Variants in WIPF3 observed in about 807,000 individuals in gnomAD.
The protein encoded by WIPF3 is WAS/WASL interacting protein family member 3, also known as WAS/WASL-interacting protein family member 3.
WIPF3 carries 33 observed loss-of-function variants against 38.9 expected under a neutral mutation model. That is an observed-to-expected ratio of 0.85 (90% confidence interval 0.64 to 1.14). The LOEUF (loss-of-function observed/expected upper bound fraction) is 1.14, where lower values mean the gene tolerates loss of function less well. Ranked by LOEUF, WIPF3 falls within the 50% of genes most tolerant of loss-of-function variation. The pLI is 0.00. For missense variants in WIPF3, 711 were observed against 652.5 expected, an observed-to-expected ratio of 1.09 and a Z score of -0.98; for synonymous variants, 324 against 269.3, an observed-to-expected ratio of 1.20 and a Z score of -1.99.
chr7:29,864,160 T>G (rs1785347800), intron 2 of WIPF3, among the ~76,000 whole-genome samples: 1 of 152,198 alleles, frequency 6.6e-6, no homozygotes, highest in African/African-American at 2.4e-5. Flanking sequence ...AGCTATAGTT[T>G]TGTTTATTTT....
chr7:29,809,367 G>T (rs1176477512), intron 1 of WIPF3, among the ~76,000 whole-genome samples: 1 of 152,192 alleles, frequency 6.6e-6, no homozygotes, highest in Admixed American at 6.5e-5. Context: ...ATCGAGCATG[G>T]TTCTGCATCA....
At chr7:29,905,677 G>A (rs1786381433) in intron 8 of WIPF3, 1 of 152,006 alleles carries the variant, frequency 6.6e-6, no homozygotes, top group Non-Finnish European at 1.5e-5. Flanking sequence ...TTCTCTGATT[G>A]GTTATTGCTG....
chr7:29,887,112 C>T (rs1785899344), intron 5 of WIPF3, among the ~76,000 whole-genome samples: 1 of 152,146 alleles, frequency 6.6e-6, no homozygotes, highest in Non-Finnish European at 1.5e-5. Context: ...AGCTGGGGCC[C>T]CTTCATCTGC....
Position 29,884,210 on chromosome 7 carries a change from CGG to C in WIPF3, c.717_718del (p.Ala240LeufsTer4). 1 of 1,529,130 alleles carries C rather than the reference CGG, an allele frequency of 6.5e-7. No homozygotes were observed. The highest frequency in any genetic ancestry group is 8.8e-7 in the Non-Finnish European group (1 of 1,135,944). 94.7% of individuals were successfully genotyped at this position (1,529,130 alleles called of 1,614,324 possible). A position where few individuals can be genotyped will look rare whatever the true frequency, so the allele number is the denominator to read the frequency against. On this transcript the variant is annotated frameshift_variant, in exon 5 of 9. Transcript: ENST00000242140. LOFTEE classifies it high-confidence loss of function. The stretch of plus-strand genomic sequence containing the variant: ...CCCCCAACGCCACCCCCGCTGCCCC[CGG>C]CCTCGGTTCTTAGTGACAAGGCAGT...
At chr7:29,891,944 A>C (rs1383748105) in intron 7 of WIPF3, among the ~76,000 whole-genome samples, 1 of 152,174 alleles carries the variant, frequency 6.6e-6, no homozygotes, top group African/African-American at 2.4e-5. Context: ...TGTAGGAACC[A>C]TCTGTCCCAC....
intron 7 of WIPF3, among the ~76,000 whole-genome samples, chr7:29,896,721 T>C (rs1786153556): frequency 6.6e-6 from 1 of 152,230 alleles, no homozygotes; most frequent in Admixed American, 6.5e-5. Flanking sequence ...ATGTCACTAA[T>C]GGTAAATTGT....
At chr7:29,868,535 T>TATATAC (rs879629038) in intron 2 of WIPF3, among the ~76,000 whole-genome samples, 80 of 151,030 alleles carry the variant, frequency 5.3e-4, no homozygotes, top group Non-Finnish European at 8.6e-4. Flanking sequence ...TATATATATA[T>TATATAC]ACACACACAT....
chr7:29,853,418 C>T (rs931731209), intron 2 of WIPF3, among the ~76,000 whole-genome samples: 2 of 152,220 alleles, frequency 1.3e-5, no homozygotes, highest in East Asian at 3.9e-4. Flanking sequence ...GGGGAAGAAA[C>T]AGGCACAGTG....
chr7:29,857,121 C>G (rs1260016749), intron 2 of WIPF3, among the ~76,000 whole-genome samples: 1 of 152,092 alleles, frequency 6.6e-6, no homozygotes, highest in South Asian at 2.1e-4. Context: ...TGGCTGCCCT[C>G]CTTACCAGCG....
chr7:29,825,420 C>CTTT (rs1784601168), intron 1 of WIPF3, among the ~76,000 whole-genome samples: 1 of 152,166 alleles, frequency 6.6e-6, no homozygotes, highest in African/African-American at 2.4e-5. Flanking sequence ...TAGAGATACC[C>CTTT]TATTTTAGAA....
chr7:29,838,678 G>A (rs540748319), intron 2 of WIPF3, among the ~76,000 whole-genome samples: 7 of 152,180 alleles, frequency 4.6e-5, no homozygotes, highest in South Asian at 2.1e-4. Flanking sequence ...TTGGAAAACC[G>A]TTTGACAGCA....
chr7:29,879,985 G>C (rs185420898), intron 4 of WIPF3, among the ~76,000 whole-genome samples: 2 of 152,312 alleles, frequency 1.3e-5, no homozygotes, highest in Admixed American at 6.5e-5. Flanking sequence ...CTCTTGATGA[G>C]AGGAACTGTA....
In WIPF3 at chr7:29,883,845, T is replaced by C; in HGVS notation, c.356-5T>C. ...GAGCTAACCCAGAATCTCTTTCACT[T>C]CCAGGTGGCAAGACAGGGCAGGGCC... On this transcript the variant is annotated splice_polypyrimidine_tract_variant and splice_region_variant and intron_variant, in intron 4 of 8. Transcript: ENST00000242140. 2 of 1,521,896 alleles carry C rather than the reference T, an allele frequency of 1.3e-6. No homozygotes were observed. The highest frequency in any genetic ancestry group is 1.4e-5 in the African/African-American group (1 of 72,016). 94.3% of individuals were successfully genotyped at this position (1,521,896 alleles called of 1,614,324 possible). A position where few individuals can be genotyped will look rare whatever the true frequency, so the allele number is the denominator to read the frequency against.
chr7:29,875,302 A>C (rs1199408627), intron 2 of WIPF3, among the ~76,000 whole-genome samples: 1 of 152,124 alleles, frequency 6.6e-6, no homozygotes, highest in Non-Finnish European at 1.5e-5. Context: ...AGCATGAGCC[A>C]CCCAGGACCC....
rs551637303 is a variant in WIPF3, at chr7:29,877,734, A to T, written c.224-1275A>T. 2.3e-3 allele frequency among the ~76,000 whole-genome samples: 344 copies of T among 152,340 alleles called. 2 individuals are homozygous for T. The highest frequency in any genetic ancestry group is 7.8e-3 in the African/African-American group (324 of 41,576). On this transcript the variant is annotated intron_variant, in intron 3 of 8. Transcript: ENST00000242140. The stretch of plus-strand genomic sequence containing the variant: ...TTTATGCACAAAATTATTTTAAAAT[A>T]TTGCATGAAATTAATATTTTATTAA...
intron 2 of WIPF3, among the ~76,000 whole-genome samples, chr7:29,872,194 C>T (rs1372169638): frequency 1.3e-5 from 2 of 152,156 alleles, no homozygotes; most frequent in Non-Finnish European, 2.9e-5. Context: ...CAACATGAAA[C>T]GTTCAGTGAA....
chr7:29,901,786 T>C lies in WIPF3; in HGVS notation c.1352-2500T>C, dbSNP rs563311533. On this transcript the variant is annotated intron_variant, in intron 7 of 8. Transcript: ENST00000242140. ...CTGGGAGACAGAGGTTGCAGTAAGC[T>C]GAGATCATGCCACTGCGCTCCAGAG... 9.9e-5 allele frequency among the ~76,000 whole-genome samples: 13 copies of C among 131,468 alleles called. No individual in the cohort carries two copies. The East Asian group carries it at 2.8e-3, about 29-fold the overall frequency. The allele number at this position is 131,468 out of a possible 152,430, so 86.2% of individuals were successfully genotyped here.
Position 29,886,035 on chromosome 7 carries a change from TA to T in WIPF3, c.1099+1443del, listed in dbSNP as rs1245781469. Among the ~76,000 whole-genome samples, 3 of 152,228 alleles carry T rather than the reference TA, an allele frequency of 2.0e-5. No individual in the cohort carries two copies. In the South Asian group the frequency reaches 6.2e-4, roughly 31 times the overall value. ...TAAAATGTCTTTATAAGCATGACAA[TA>T]TATTCCATATTCCTCATGTTAGATA... is the stretch of plus-strand genomic sequence containing the variant. On this transcript the variant is annotated intron_variant, in intron 5 of 8. Coordinates refer to ENST00000242140, the MANE Select transcript of WIPF3 (RefSeq NM_001080529.3).
At chr7:29,914,166 A>G (rs994510292) in intron 8 of WIPF3, among the ~76,000 whole-genome samples, 1 of 152,010 alleles carries the variant, frequency 6.6e-6, no homozygotes, top group Non-Finnish European at 1.5e-5. Flanking sequence ...TTGCTTTTCC[A>G]CTGCCTTAAC....
Sources: allele counts gnomAD v4.1 joint callset (sites outside exome capture counted in the v4.1 genomes callset), GRCh38; gene constraint gnomAD v4.1.1; transcripts MANE v1.5; gene names NCBI Gene and HGNC (gene_info 2026-07-23, HGNC 2026-07-21).